AFF4: variants seen among roughly 807,000 people sequenced by gnomAD.
The protein encoded by AFF4 is ALF transcription elongation factor 4, also known as AF4/FMR2 family member 4.
In AFF4, 13 loss-of-function variants were observed where a neutral mutation model predicts 124.8. The observed-to-expected ratio is 0.10, with a 90% CI of 0.07 to 0.17. The LOEUF (loss-of-function observed/expected upper bound fraction) is 0.17, where lower values mean the gene tolerates loss of function less well. Among genes scored for constraint, AFF4 ranks in the 10% least tolerant of loss-of-function variants. AFF4 has a pLI of 1.00. For missense variants in AFF4, 1,092 were observed against 1,403.8 expected (o/e 0.78, Z 3.55); for synonymous variants, 477 against 496.1 (o/e 0.96, Z 0.51).
intron 13 of AFF4, among the ~76,000 whole-genome samples, 188 bp from the exon 14 acceptor site, chr5:132,889,361 T>C (rs1760199489): frequency 6.6e-6 from 1 of 152,046 alleles, no homozygotes; most frequent in Non-Finnish European, 1.5e-5. Flanking sequence ...CCATTTTATA[T>C]AACTGAAATA....
intron 5 of AFF4, among the ~76,000 whole-genome samples, chr5:132,908,283 T>G (rs7728569): frequency 0.21 from 31,405 of 152,062 alleles, 3,541 homozygotes; most frequent in African/African-American, 0.29. Context: ...TTAAATATAT[T>G]TATGAATGAC....
intron 5 of AFF4, chr5:132,926,249 C>T (rs778946246): frequency 1.5e-5 from 7 of 474,234 alleles, no homozygotes; most frequent in South Asian, 4.8e-5. Context: ...ATGAAGGGGA[C>T]GGAATTGGGG....
rs1759827193 is a variant in AFF4, at chr5:132,875,936, A to C, written c.*5123T>G. The C allele has an allele frequency of 4.4e-6, 1 of 226,170 alleles. No homozygotes were observed. The highest frequency in any genetic ancestry group is 2.2e-5 in the African/African-American group (1 of 44,990). The allele number at this position is 226,170 out of a possible 1,614,324, so 14.0% of individuals were successfully genotyped here. On this transcript the variant is annotated 3_prime_UTR_variant, in exon 21 of 21. Coordinates refer to ENST00000265343, the MANE Select transcript of AFF4 (RefSeq NM_014423.4). ...TTTCTGCAAAATCAACAGGCTTTTA[A>C]TTTATCAGTGACATTATCTCCCCTC...
At chr5:132,949,723 G>A (rs776554484) in intron 1 of AFF4, among the ~76,000 whole-genome samples, 17 of 150,574 alleles carry the variant, frequency 1.1e-4, no homozygotes, top group Admixed American at 4.0e-4. Context: ...CGCGCCAGGC[G>A]TGAGGGTGAG....
chr5:132,951,842 T>G (rs182900232), intron 1 of AFF4, among the ~76,000 whole-genome samples: 1 of 152,246 alleles, frequency 6.6e-6, no homozygotes, highest in East Asian at 1.9e-4. Context: ...ATTTTCTTTG[T>G]ACTTTTACTA....
rs775075192 is a variant in AFF4, at chr5:132,897,043, C to G, written c.1587G>C (p.Pro529=). The change falls in exon 11 of 21, where the codon CCG becomes CCC. Residue 529 remains proline, a synonymous_variant. Transcript: ENST00000265343. The stretch of plus-strand genomic sequence containing the variant: ...TTTGGATGGTTTTGGAGTCTCGTCC[C>G]GGAGTAGCGGAACTCGTTTCTTTAG... The part of the protein sequence containing the change: ...SGPKETSSAT[P]GRDSKTIQKG... 1 of 1,614,162 alleles carries G rather than the reference C, an allele frequency of 6.2e-7. No homozygotes were observed. Among genetic ancestry groups the G allele is most frequent in the Non-Finnish European group, 8.5e-7 (1 of 1,180,020 alleles).
intron 5 of AFF4, among the ~76,000 whole-genome samples, chr5:132,922,696 C>T (rs1463591956): frequency 6.7e-6 from 1 of 148,396 alleles, no homozygotes; most frequent in African/African-American, 2.5e-5. Context: ...AGGAGAATTG[C>T]TTGAAACCAG....
intron 20 of AFF4, among the ~76,000 whole-genome samples, chr5:132,882,469 G>A (rs555977514): frequency 6.6e-6 from 1 of 152,170 alleles, no homozygotes; most frequent in South Asian, 2.1e-4. Context: ...TTTCCACTAA[G>A]GTCTTCAAAG....
intron 7 of AFF4, 126 bp from the exon 8 acceptor site, chr5:132,899,767 A>C (rs1204948790): frequency 1.4e-6 from 1 of 701,840 alleles, no homozygotes; most frequent in Non-Finnish European, 2.3e-6. Flanking sequence ...CAAAAAACAA[A>C]ACACCAGTAA....
chr5:132,950,188 G>A (rs1451606609), intron 1 of AFF4, among the ~76,000 whole-genome samples: 2 of 151,922 alleles, frequency 1.3e-5, no homozygotes, highest in Admixed American at 6.6e-5. Context: ...AAAATAAGCC[G>A]TGCCTGGCCG....
chr5:132,951,392 C>T (rs2150110804), intron 1 of AFF4, among the ~76,000 whole-genome samples: 1 of 152,270 alleles, frequency 6.6e-6, no homozygotes, highest in Middle Eastern at 3.4e-3. Context: ...AAACAACCAC[C>T]TTAGGAAATA....
At chr5:132,915,113 C>G (rs1581299025) in intron 5 of AFF4, among the ~76,000 whole-genome samples, 1 of 151,954 alleles carries the variant, frequency 6.6e-6, no homozygotes, top group Non-Finnish European at 1.5e-5. Context: ...CCGAGGCAGG[C>G]GGATCACGAG....
In AFF4 at chr5:132,888,984, C is replaced by G. The variant is rs1469909910; in HGVS notation, c.2732+95G>C. 31 of 1,206,900 alleles carry G rather than the reference C, an allele frequency of 2.6e-5. No individual in the cohort carries two copies. In the East Asian group the frequency reaches 7.2e-4, roughly 28 times the overall value. 74.8% of individuals were successfully genotyped at this position (1,206,900 alleles called of 1,614,324 possible). A position where few individuals can be genotyped will look rare whatever the true frequency, so the allele number is the denominator to read the frequency against. ...GAGCTGGGATTACAAGCGTGAGCCA[C>G]CGCGCCCGGCCAATGATAGAAATGA... On this transcript the variant is annotated intron_variant, in intron 14 of 20. Coordinates refer to ENST00000265343, the MANE Select transcript of AFF4 (RefSeq NM_014423.4).
chr5:132,961,589 C>T (rs1762083678), intron 1 of AFF4, among the ~76,000 whole-genome samples: 1 of 152,114 alleles, frequency 6.6e-6, no homozygotes, highest in Non-Finnish European at 1.5e-5. Context: ...ATGTATCAAC[C>T]TGAATGTGAG....
rs916780721 is a variant in AFF4 at position 132,875,494 on chromosome 5, G to A, written c.*5565C>T. 1.1e-5 allele frequency: 2 copies of A among 186,738 alleles called. No homozygotes were observed. The highest frequency in any genetic ancestry group is 4.7e-5 in the African/African-American group (2 of 42,692). 11.6% of individuals were successfully genotyped at this position (186,738 alleles called of 1,614,324 possible). A position where few individuals can be genotyped will look rare whatever the true frequency, so the allele number is the denominator to read the frequency against. On this transcript the variant is annotated 3_prime_UTR_variant, in exon 21 of 21. Transcript: ENST00000265343. The stretch of plus-strand genomic sequence containing the variant: ...CTTAATGACACAGTAGAGTTAAAAA[G>A]ATCTTTACAAATTGAAATGTGATAC...
intron 1 of AFF4, among the ~76,000 whole-genome samples, chr5:132,944,547 T>C (rs2150106427): frequency 6.6e-6 from 1 of 152,264 alleles, no homozygotes; most frequent in African/African-American, 2.4e-5. Context: ...CTCAGGAAAC[T>C]GAGGTCTGGG....
chr5:132,947,468 G>A (rs1424912656), intron 1 of AFF4, among the ~76,000 whole-genome samples: 1 of 152,094 alleles, frequency 6.6e-6, no homozygotes, highest in African/African-American at 2.4e-5. Context: ...TCAAGTGGAG[G>A]TCAGAATTTG....
Position 132,885,103 on chromosome 5 carries a change from G to A in AFF4, c.3116C>T (p.Ser1039Phe), listed in dbSNP as rs1369152967. The change falls in exon 19 of 21, where the codon TCT becomes TTT. Residue 1039 changes from serine (S) to phenylalanine (F), a missense_variant. By Grantham distance (155) the Ser-to-Phe change is radical. Coordinates refer to ENST00000265343, the MANE Select transcript of AFF4 (RefSeq NM_014423.4). ...TCCCAAGCCAGGCGATGGTGCTTGA[G>A]AATTATTATAAGAATTCTGTGGAAA... The part of the protein sequence containing the change: ...TEHLKNSYNN[S>F]QAPSPGLGSK... 6.3e-7 allele frequency: 1 copy of A among 1,595,520 alleles called. No homozygotes were observed.
At position 132,934,603 on chromosome 5, in the gene AFF4, C is replaced by T; in HGVS notation, c.462G>A (p.Glu154=). The T allele has an allele frequency of 6.2e-7, 1 of 1,614,152 alleles. No individual in the cohort carries two copies. The highest frequency in any genetic ancestry group is 8.5e-7 in the Non-Finnish European group (1 of 1,180,028). The change falls in exon 3 of 21, where the codon GAG becomes GAA. Residue 154 remains glutamate (E), a synonymous_variant. Coordinates refer to ENST00000265343, the MANE Select transcript of AFF4 (RefSeq NM_014423.4). ...TACTGCTCCCACTATTGTTATATGA[C>T]TCACGGTCGTGCCTCTGACCACTAC... ...TNSSGQRHDR[E]SYNNSGSSSR... is the part of the protein sequence containing the mutation.
Sources: allele counts gnomAD v4.1 joint callset (sites outside exome capture counted in the v4.1 genomes callset), GRCh38; gene constraint gnomAD v4.1.1; transcripts MANE v1.5; gene names NCBI Gene and HGNC (gene_info 2026-07-23, HGNC 2026-07-21).